Variants in FRMD8 observed in about 807,000 individuals in gnomAD.
The protein encoded by FRMD8 is FERM domain containing 8, also known as FERM domain-containing protein 8.
In FRMD8, 37 loss-of-function variants were observed where a neutral mutation model predicts 54.2. That is an observed-to-expected ratio of 0.68 (90% CI 0.53 to 0.90). FRMD8 has a LOEUF of 0.90. Among genes scored for constraint, FRMD8 ranks in the 40% least tolerant of loss-of-function variants. The pLI, the probability that FRMD8 is intolerant of heterozygous loss-of-function variation, is 0.00. For synonymous variants in FRMD8, 246 were observed against 286.9 expected, an observed-to-expected ratio of 0.86 and a Z score of 1.44; for missense variants, 585 against 653.7, an observed-to-expected ratio of 0.89 and a Z score of 1.15.
intron 7 of FRMD8, among the ~76,000 whole-genome samples, chr11:65,398,661 A>G (rs954019610): frequency 4.6e-5 from 7 of 152,250 alleles, no homozygotes; most frequent in Non-Finnish European, 7.3e-5. Flanking sequence ...AATGGGGTCA[A>G]GCAACGGGTC....
chr11:65,376,139 G>A, the FRMD8 span: 2,533 of 526,864 alleles, frequency 4.8e-3, 56 homozygotes, highest in African/African-American at 0.045. Flanking sequence ...AGCACCACTT[G>A]CCAGCTCACT....
rs1269137000 is a variant in FRMD8 at position 65,411,581 on chromosome 11, C to A, written c.*221C>A. 1.3e-5 allele frequency: 6 copies of A among 452,448 alleles called. No homozygotes were observed. Among genetic ancestry groups the A allele is most frequent in the Non-Finnish European group, 2.4e-5 (6 of 252,880 alleles). 28.0% of individuals were successfully genotyped at this position (452,448 alleles called of 1,614,324 possible). Reference sequence around the variant, plus strand: ...CCTGTAGGGCTCCTCTGCAGCCTGCCCTCCCTTCCCCCGGATGCTGGGCCC... The same window carrying A: ...CCTGTAGGGCTCCTCTGCAGCCTGCACTCCCTTCCCCCGGATGCTGGGCCC... On this transcript the variant is annotated 3_prime_UTR_variant, in exon 11 of 11. Transcript: ENST00000317568.
upstream of FRMD8, among the ~76,000 whole-genome samples, chr11:65,384,414 C>T (rs985748214): frequency 1.3e-5 from 2 of 151,874 alleles, no homozygotes; most frequent in Non-Finnish European, 2.9e-5. Context: ...TGACTAGACC[C>T]GGGTTCTAGC....
chr11:65,390,971 G>A (rs1855833664), intron 3 of FRMD8, among the ~76,000 whole-genome samples: 1 of 152,248 alleles, frequency 6.6e-6, no homozygotes, highest in Admixed American at 6.5e-5. Context: ...CTGGGTTCAG[G>A]GAGGCTGAAA....
Position 65,400,602 on chromosome 11 carries a change from T to C in FRMD8, c.928-122T>C, listed in dbSNP as rs1234140140. On this transcript the variant is annotated intron_variant, in intron 8 of 10. Transcript: ENST00000317568. This position sits in a 1 kb window ranked among gnomAD's most constrained non-coding sequence, Gnocchi z 4.3. ...GAGGCTCTCTCCTTACAGAAACACATGAACAAATGTAGACTCAGCCTTGGA... is the reference window on the plus strand; with the variant it reads ...GAGGCTCTCTCCTTACAGAAACACACGAACAAATGTAGACTCAGCCTTGGA... 3 of 992,810 alleles carry C rather than the reference T, an allele frequency of 3.0e-6. No homozygotes were observed. Among genetic ancestry groups the C allele is most frequent in the Non-Finnish European group, 4.2e-6 (3 of 710,660 alleles). 61.5% of individuals were successfully genotyped at this position (992,810 alleles called of 1,614,324 possible).
chr11:65,399,909 A>C, intron 8 of FRMD8, 50 bp downstream of exon 8: 1 of 1,573,706 alleles, frequency 6.4e-7, no homozygotes, highest in East Asian at 2.3e-5. Flanking sequence ...GGGGCTCCTG[A>C]CTCAGGTCTT....
intron 1 of FRMD8, 71 bp from the exon 2 acceptor site, chr11:65,386,966 G>A: frequency 1.5e-6 from 2 of 1,362,506 alleles, no homozygotes; most frequent in Non-Finnish European, 2.0e-6. Context: ...CGTACTCACC[G>A]AGAGCTTGAG....
intron 7 of FRMD8, among the ~76,000 whole-genome samples, chr11:65,398,008 T>TG (rs369988105): frequency 7.2e-5 from 11 of 151,936 alleles, no homozygotes; most frequent in Admixed American, 1.3e-4. Context: ...CCCAAGTAGC[T>TG]GGGACTACAG....
chr11:65,407,971 C>G (rs963194683), intron 10 of FRMD8, among the ~76,000 whole-genome samples: 1 of 151,638 alleles, frequency 6.6e-6, no homozygotes, highest in African/African-American at 2.4e-5. Flanking sequence ...TGGCCGTCAG[C>G]GGCTGTAGCT....
At chr11:65,374,917 T>A in the FRMD8 span, among the ~76,000 whole-genome samples, 2 of 152,016 alleles carry the variant, frequency 1.3e-5, no homozygotes, top group Non-Finnish European at 2.9e-5. Flanking sequence ...CAGTGAGCTA[T>A]AATGGCACCA....
chr11:65,374,467 G>C, the FRMD8 span, among the ~76,000 whole-genome samples: 3 of 150,766 alleles, frequency 2.0e-5, no homozygotes, highest in Non-Finnish European at 3.0e-5. Flanking sequence ...AGCCGAGGCT[G>C]CCTCTCTATC....
chr11:65,381,507 C>T, the FRMD8 span: 1 of 198,450 alleles, frequency 5.0e-6, no homozygotes, highest in Non-Finnish European at 1.1e-5. Flanking sequence ...GATCCTCCTA[C>T]CTCAGCCTCG....
Position 65,400,855 on chromosome 11 carries a change from C to T in FRMD8, c.1059C>T (p.Ile353=), listed in dbSNP as rs138317041. 143 of 1,608,266 alleles carry T rather than the reference C, an allele frequency of 8.9e-5. No individual in the cohort carries two copies. The African/African-American group carries it at 1.6e-3, about 18-fold the overall frequency. The change falls in exon 9 of 11, where the codon ATC becomes ATT. Residue 353 remains isoleucine, a synonymous_variant. Transcript: ENST00000317568. The surrounding 1 kb of genome is among the most constrained non-coding windows in gnomAD (Gnocchi z 4.3). ...CACCTGTCAACAAGCTCCTCAAGAT[C>T]TACTCCAAGCAGGTAGCGCGGGTGG... The part of the protein sequence containing the change: ...EGTPVNKLLK[I]YSKQAELMSS...
chr11:65,406,662 G>A (rs1010190517), intron 10 of FRMD8, among the ~76,000 whole-genome samples: 18 of 151,826 alleles, frequency 1.2e-4, no homozygotes, highest in African/African-American at 4.3e-4. Flanking sequence ...TACCCTGGCC[G>A]GGCGCAGTGG....
rs80064705 is a variant in FRMD8, at chr11:65,396,734, C to T, written c.582-65C>T. 4,025 of 1,111,958 alleles carry T rather than the reference C, an allele frequency of 3.6e-3. 112 individuals carry two copies. In the African/African-American group the frequency reaches 0.057, roughly 16 times the overall value. 68.9% of individuals were successfully genotyped at this position (1,111,958 alleles called of 1,614,324 possible). The stretch of plus-strand genomic sequence containing the variant: ...TTCCTCCAGGCAGCCTTGCTTCCCT[C>T]GCCCTCCCCCGTGAGCCTGGCACCT... On this transcript the variant is annotated intron_variant, in intron 6 of 10. Coordinates refer to ENST00000317568, the MANE Select transcript of FRMD8 (RefSeq NM_031904.5).
intron 10 of FRMD8, among the ~76,000 whole-genome samples, chr11:65,409,080 A>G (rs757418527): frequency 3.3e-5 from 5 of 151,616 alleles, no homozygotes; most frequent in Non-Finnish European, 5.9e-5. Context: ...TTTGAACACA[A>G]TGAGATTGGA....
intron 10 of FRMD8, among the ~76,000 whole-genome samples, chr11:65,405,518 G>A (rs1385378789): frequency 6.6e-6 from 1 of 152,180 alleles, no homozygotes; most frequent in Non-Finnish European, 1.5e-5. Flanking sequence ...AGCTACTCGG[G>A]AGGCTGAGGC....
the FRMD8 span, among the ~76,000 whole-genome samples, chr11:65,373,697 C>T: frequency 6.6e-6 from 1 of 152,100 alleles, no homozygotes; most frequent in Non-Finnish European, 1.5e-5. Context: ...AACAGTCCTC[C>T]CACCTCAGTC....
At chr11:65,406,847 G>A (rs1856209804) in intron 10 of FRMD8, among the ~76,000 whole-genome samples, 2 of 151,940 alleles carry the variant, frequency 1.3e-5, no homozygotes, top group South Asian at 2.1e-4. Context: ...GCTGAAAGCA[G>A]GAGAATCGCT....
Sources: allele counts gnomAD v4.1 joint callset (sites outside exome capture counted in the v4.1 genomes callset), GRCh38; gene constraint gnomAD v4.1.1; non-coding constraint Gnocchi (gnomAD v3.1); transcripts MANE v1.5; gene names NCBI Gene and HGNC (gene_info 2026-07-23, HGNC 2026-07-21).